RAB28: variants seen among roughly 807,000 people sequenced by gnomAD.
The protein encoded by RAB28 is ras-related protein Rab-28.
Under a neutral mutation model 31.7 loss-of-function variants are expected in RAB28, and 24 were observed. The observed-to-expected ratio is 0.76, with a 90% CI of 0.55 to 1.06. The LOEUF is 1.06. Ranked by LOEUF, RAB28 falls within the 50% of genes least tolerant of loss-of-function variation. RAB28 has a pLI of 0.00. For synonymous variants in RAB28, 100 were observed against 90.4 expected (o/e 1.11, Z -0.60); for missense variants, 254 against 258.5 (o/e 0.98, Z 0.12).
At chr4:13,462,873 G>T (rs1319671531) in intron 3 of RAB28, among the ~76,000 whole-genome samples, 1 of 152,106 alleles carries the variant, frequency 6.6e-6, no homozygotes, top group Non-Finnish European at 1.5e-5. Context: ...ATCTGAAGAA[G>T]ATTAATCTTC....
At chr4:13,448,635 T>A (rs1481617672) in intron 4 of RAB28, among the ~76,000 whole-genome samples, 1 of 152,056 alleles carries the variant, frequency 6.6e-6, no homozygotes, top group African/African-American at 2.4e-5. Flanking sequence ...ATTTGCTATT[T>A]TATTCCCCAA....
intron 4 of RAB28, among the ~76,000 whole-genome samples, chr4:13,383,649 T>C (rs992886104): frequency 6.6e-5 from 10 of 152,258 alleles, no homozygotes; most frequent in Admixed American, 6.5e-4. Context: ...TCACAGGTCA[T>C]GGGAGGGACC....
chr4:13,373,443 T>C (rs1450156518), intron 6 of RAB28, among the ~76,000 whole-genome samples: 4 of 152,106 alleles, frequency 2.6e-5, no homozygotes, highest in Admixed American at 2.6e-4. Flanking sequence ...ATCTATAGTG[T>C]TCATTGTTTA....
intron 3 of RAB28, among the ~76,000 whole-genome samples, chr4:13,468,927 T>C (rs1715993640): frequency 6.6e-6 from 1 of 151,832 alleles, no homozygotes; most frequent in African/African-American, 2.4e-5. Flanking sequence ...AAAGATAATA[T>C]AAACAACTTT....
intron 3 of RAB28, among the ~76,000 whole-genome samples, chr4:13,466,266 T>C (rs774994934): frequency 2.1e-4 from 32 of 151,730 alleles, no homozygotes; most frequent in Admixed American, 6.6e-4. Flanking sequence ...AAATTAACAG[T>C]GTGCAGAGAC....
chr4:13,379,174 C>A (rs531359037), intron 5 of RAB28, among the ~76,000 whole-genome samples: 1 of 143,598 alleles, frequency 7.0e-6, no homozygotes, highest in South Asian at 2.2e-4. Context: ...CCACTGCACT[C>A]CAGCCCGGAG....
intron 4 of RAB28, among the ~76,000 whole-genome samples, chr4:13,448,714 A>G (rs543991908): frequency 2.4e-4 from 36 of 152,210 alleles, no homozygotes; most frequent in African/African-American, 7.9e-4. Flanking sequence ...TACTCAGCCA[A>G]TTAAACTTGA....
At chr4:13,466,155 G>T (rs1715830885) in intron 3 of RAB28, among the ~76,000 whole-genome samples, 2 of 151,846 alleles carry the variant, frequency 1.3e-5, no homozygotes, top group South Asian at 4.1e-4. Flanking sequence ...CAAAATATTG[G>T]TCTGGGCAAT....
chr4:13,407,063 A>C (rs1182911477), intron 4 of RAB28, among the ~76,000 whole-genome samples: 2 of 152,244 alleles, frequency 1.3e-5, no homozygotes, highest in African/African-American at 4.8e-5. Flanking sequence ...TTAGTCATGA[A>C]GTCATGAAGT....
chr4:13,389,867 C>G (rs1729548810), intron 4 of RAB28, among the ~76,000 whole-genome samples: 1 of 151,904 alleles, frequency 6.6e-6, no homozygotes, highest in Non-Finnish European at 1.5e-5. Flanking sequence ...AACCTTCATG[C>G]TAAAAAACTC....
intron 3 of RAB28, chr4:13,473,930 A>G: frequency 2.8e-6 from 1 of 362,124 alleles, no homozygotes; most frequent in Non-Finnish European, 5.4e-6. Context: ...ATATACTTTC[A>G]GTCCTTGTAA....
At chr4:13,477,793 C>T (rs554834073) in intron 2 of RAB28, among the ~76,000 whole-genome samples, 131 of 151,392 alleles carry the variant, frequency 8.7e-4, no homozygotes, top group Middle Eastern at 3.4e-3. Flanking sequence ...TACTATAAAT[C>T]TCGATTTCAA....
At chr4:13,397,605 T>C (rs747361688) in intron 4 of RAB28, among the ~76,000 whole-genome samples, 2 of 152,168 alleles carry the variant, frequency 1.3e-5, no homozygotes, top group Non-Finnish European at 2.9e-5. Context: ...ATTTCTTACA[T>C]GATCATAAAG....
At chr4:13,404,747 G>A (rs572601187) in intron 4 of RAB28, among the ~76,000 whole-genome samples, 3 of 152,148 alleles carry the variant, frequency 2.0e-5, no homozygotes, top group African/African-American at 7.2e-5. Context: ...AATATGGAAG[G>A]AAACAAAATT....
intron 3 of RAB28, among the ~76,000 whole-genome samples, chr4:13,466,727 C>T (rs1322324419): frequency 6.6e-6 from 1 of 151,896 alleles, no homozygotes; most frequent in African/African-American, 2.4e-5. Context: ...GAGGTTTTTG[C>T]ACTCCCATGT....
intron 4 of RAB28, among the ~76,000 whole-genome samples, chr4:13,419,883 G>A: frequency 6.6e-6 from 1 of 151,354 alleles, no homozygotes; most frequent in Non-Finnish European, 1.5e-5. Flanking sequence ...CTAGCAGAAA[G>A]CAAGAAATAA....
intron 4 of RAB28, among the ~76,000 whole-genome samples, chr4:13,435,995 T>C (rs1366673748): frequency 1.3e-5 from 2 of 152,196 alleles, no homozygotes; most frequent in East Asian, 3.9e-4. Context: ...TCAAGCAGCA[T>C]ATCAAAAAGA....
intron 4 of RAB28, among the ~76,000 whole-genome samples, chr4:13,433,202 A>C (rs1713911210): frequency 6.6e-6 from 1 of 151,850 alleles, no homozygotes; most frequent in Admixed American, 6.5e-5. Flanking sequence ...TCAGACTTTA[A>C]ACCAACAACA....
chr4:13,465,495 T>C (rs764203299), intron 3 of RAB28, among the ~76,000 whole-genome samples: 4 of 150,748 alleles, frequency 2.7e-5, no homozygotes, highest in Non-Finnish European at 5.9e-5. Context: ...CAAAGTGAAA[T>C]TTTAAAGTAC....
Sources: gnomAD v4.1 joint callset for allele counts (sites outside exome capture counted in the v4.1 genomes callset) on GRCh38, gnomAD v4.1.1 for gene constraint, MANE v1.5 for transcripts, NCBI Gene and HGNC (gene_info 2026-07-23, HGNC 2026-07-21) for gene names.